Variants in FAM184B observed in about 807,000 individuals in gnomAD.
FAM184B encodes protein FAM184B.
Under a neutral mutation model 135.9 loss-of-function variants are expected in FAM184B, and 111 were observed. The ratio of observed to expected loss-of-function variants is 0.82; its 90% CI spans 0.70 to 0.96. FAM184B has a LOEUF of 0.96. Ranked by LOEUF, FAM184B falls within the 40% of genes least tolerant of loss-of-function variation. The pLI, the probability that FAM184B is intolerant of heterozygous loss-of-function variation, is 0.00. For synonymous variants in FAM184B, 552 were observed against 524.8 expected (o/e 1.05, Z -0.71); for missense variants, 1,375 against 1,323.9 (o/e 1.04, Z -0.60).
intron 1 of FAM184B, among the ~76,000 whole-genome samples, chr4:17,742,628 G>A (rs559076152): frequency 4.6e-5 from 7 of 152,236 alleles, no homozygotes; most frequent in East Asian, 1.9e-4. Context: ...CAGCTGAGCC[G>A]CGAGCAGAGA....
intron 5 of FAM184B, among the ~76,000 whole-genome samples, chr4:17,696,442 C>T (rs182954597): frequency 1.1e-4 from 17 of 152,164 alleles, no homozygotes; most frequent in South Asian, 2.1e-4. Context: ...AAGAACCGGA[C>T]GGGACCAGGC....
intron 7 of FAM184B, among the ~76,000 whole-genome samples, chr4:17,672,200 C>T (rs890004986): frequency 1.3e-5 from 2 of 152,066 alleles, no homozygotes; most frequent in African/African-American, 4.8e-5. Context: ...AGACAATGAA[C>T]ATTTTCCAGC....
chr4:17,749,472 A>G (rs1718246310), intron 1 of FAM184B, among the ~76,000 whole-genome samples: 1 of 152,122 alleles, frequency 6.6e-6, no homozygotes, highest in African/African-American at 2.4e-5. Flanking sequence ...AGAAAACACT[A>G]TCAATGGAAA....
chr4:17,668,194 C>T (rs1056376153), intron 7 of FAM184B, among the ~76,000 whole-genome samples: 1 of 152,224 alleles, frequency 6.6e-6, no homozygotes, highest in Non-Finnish European at 1.5e-5. Context: ...CACTTCTGTC[C>T]TTCTTTCCTT....
intron 10 of FAM184B, among the ~76,000 whole-genome samples, chr4:17,656,395 CTTCT>C (rs761166015): frequency 9.9e-5 from 15 of 151,614 alleles, no homozygotes; most frequent in Non-Finnish European, 1.8e-4. Flanking sequence ...TATTTCCTTT[CTTCT>C]TTCTTTTTTT....
rs972087735 is a variant in FAM184B at position 17,781,050 on chromosome 4, A to T, written c.141+109T>A. 1.5e-6 allele frequency: 2 copies of T among 1,355,358 alleles called. No homozygotes were observed. Among genetic ancestry groups the T allele is most frequent in the Non-Finnish European group, 1.9e-6 (2 of 1,029,570 alleles). The allele number at this position is 1,355,358 out of a possible 1,614,324, so 84.0% of individuals were successfully genotyped here. On this transcript the variant is annotated intron_variant, in intron 1 of 17. Coordinates refer to ENST00000265018, the MANE Select transcript of FAM184B (RefSeq NM_015688.2). The surrounding 1 kb of genome is among the most constrained non-coding windows in gnomAD (Gnocchi z 6.5). The stretch of plus-strand genomic sequence containing the variant: ...CCCTTCCCGGTTGGCCTCCGAGACA[A>T]AGTTTCTGTCTGGATTTGGCCCGGG...
At chr4:17,632,775 A>G in intron 17 of FAM184B, 150 bp from the exon 18 acceptor site, 1 of 566,856 alleles carries the variant, frequency 1.8e-6, no homozygotes, top group South Asian at 2.1e-5. Context: ...TGGGAAACAA[A>G]TTGTAAAGGA....
chr4:17,752,346 G>C (rs555951941), intron 1 of FAM184B, among the ~76,000 whole-genome samples: 3 of 152,146 alleles, frequency 2.0e-5, no homozygotes, highest in African/African-American at 4.8e-5. Context: ...CGGGAGATAG[G>C]GGGAGGTGAG....
rs1322716208 is a variant in FAM184B at position 17,682,594 on chromosome 4, GTCCTAGCGGT to G, written c.1596+5820_1596+5829del. Among the ~76,000 whole-genome samples, 3 of 152,200 alleles carry G rather than the reference GTCCTAGCGGT, an allele frequency of 2.0e-5. No homozygotes were observed. In the South Asian group the frequency reaches 6.2e-4, roughly 32 times the overall value. On this transcript the variant is annotated intron_variant, in intron 7 of 17. Transcript: ENST00000265018. ...GCTCACTGCAACCTCTACCTCCCAG[GTCCTAGCGGT>G]TCTCGTGCCTCAGTCTCCCATGCAG...
chr4:17,634,075 A>C (rs1715050933), intron 16 of FAM184B, 187 bp from the exon 17 acceptor site: 1 of 459,096 alleles, frequency 2.2e-6, no homozygotes, highest in South Asian at 5.3e-5. Context: ...ATTATAAATA[A>C]ATATGTATGT....
chr4:17,633,530 A>G (rs765335978), intron 17 of FAM184B, 159 bp downstream of exon 17: 6 of 623,078 alleles, frequency 9.6e-6, no homozygotes, highest in Non-Finnish European at 1.6e-5. Context: ...TGTATAACCC[A>G]TGCTGAAGTT....
At chr4:17,653,572 C>T (rs1715691566) in intron 10 of FAM184B, among the ~76,000 whole-genome samples, 1 of 152,028 alleles carries the variant, frequency 6.6e-6, no homozygotes, top group Non-Finnish European at 1.5e-5. Flanking sequence ...TTCATTCACG[C>T]TTTCACTCAA....
Position 17,630,574 on chromosome 4 carries a change from T to TAAGA in FAM184B, c.*1954_*1957dup, listed in dbSNP as rs1291259198. On this transcript the variant is annotated 3_prime_UTR_variant, in exon 18 of 18. Coordinates refer to ENST00000265018, the MANE Select transcript of FAM184B (RefSeq NM_015688.2). Reference sequence around the variant, plus strand: ...TTGTTTATAAATTATCCAGTATAAGTAAGATATTTTGTTAGAGCAGCCTGA... The same window carrying TAAGA: ...TTGTTTATAAATTATCCAGTATAAGTAAGAAAGATATTTTGTTAGAGCAGCCTGA... The TAAGA allele has an allele frequency of 6.6e-6, 1 of 152,116 alleles. No individual in the cohort carries two copies. Among genetic ancestry groups the TAAGA allele is most frequent in the South Asian group, 2.1e-4 (1 of 4,764 alleles). The allele number at this position is 152,116 out of a possible 1,614,324, so 9.4% of individuals were successfully genotyped here.
chr4:17,640,613 C>CA (rs1044607570), intron 13 of FAM184B, among the ~76,000 whole-genome samples: 5 of 151,302 alleles, frequency 3.3e-5, no homozygotes, highest in African/African-American at 4.9e-5. Context: ...ATTAAAATGA[C>CA]AAAAAAAATT....
At chr4:17,765,536 C>T (rs1718650159) in intron 1 of FAM184B, among the ~76,000 whole-genome samples, 1 of 149,430 alleles carries the variant, frequency 6.7e-6, no homozygotes, top group African/African-American at 2.6e-5. Flanking sequence ...CAGTTCTTAG[C>T]AGCATATCAA....
chr4:17,732,357 GA>G (rs1717801257), intron 1 of FAM184B, among the ~76,000 whole-genome samples: 1 of 152,142 alleles, frequency 6.6e-6, no homozygotes, highest in African/African-American at 2.4e-5. Context: ...GAAGGAAATA[GA>G]GACACAAAAA....
chr4:17,703,588 C>A (rs1717036155), intron 5 of FAM184B, among the ~76,000 whole-genome samples: 1 of 151,932 alleles, frequency 6.6e-6, no homozygotes, highest in Non-Finnish European at 1.5e-5. Context: ...TACTATAATA[C>A]CATATTTAAT....
At position 17,691,935 on chromosome 4, in the gene FAM184B, C is replaced by T. The variant is rs560722561; in HGVS notation, c.1488+1367G>A. Among the ~76,000 whole-genome samples, 185 of 150,926 alleles carry T rather than the reference C, an allele frequency of 1.2e-3. 2 individuals carry two copies. Among genetic ancestry groups the T allele is most frequent in the African/African-American group, 4.2e-3 (172 of 41,064 alleles). On this transcript the variant is annotated intron_variant, in intron 6 of 17. Transcript: ENST00000265018. ...AGGCGTGGTGGCAGGCACCTGTAAT[C>T]CCAGCTACTCAGGAGGCTGAGACAG... is the stretch of plus-strand genomic sequence containing the variant.
At chr4:17,748,707 A>G (rs1718232058) in intron 1 of FAM184B, among the ~76,000 whole-genome samples, 1 of 151,632 alleles carries the variant, frequency 6.6e-6, no homozygotes, top group Non-Finnish European at 1.5e-5. Flanking sequence ...TGTAGACACG[A>G]GGTCTTATTA....
Sources: gnomAD v4.1 joint callset for allele counts (sites outside exome capture counted in the v4.1 genomes callset) on GRCh38, gnomAD v4.1.1 for gene constraint, Gnocchi (gnomAD v3.1) non-coding constraint, MANE v1.5 for transcripts, NCBI Gene and HGNC (gene_info 2026-07-23, HGNC 2026-07-21) for gene names.